GRID2: variants seen among roughly 807,000 people sequenced by gnomAD.
GRID2 encodes glutamate ionotropic receptor delta type subunit 2, also known as glutamate receptor ionotropic, delta-2.
Under a neutral mutation model 114.8 loss-of-function variants are expected in GRID2, and 33 were observed. That is an observed-to-expected ratio of 0.29 (90% CI 0.22 to 0.38). The LOEUF (loss-of-function observed/expected upper bound fraction) is 0.38. Ranked by LOEUF, GRID2 falls within the 10% of genes least tolerant of loss-of-function variation. The pLI, the probability that GRID2 is intolerant of heterozygous loss-of-function variation, is 1.00. For synonymous variants in GRID2, 505 were observed against 449.9 expected (o/e 1.12, Z -1.55); for missense variants, 1,184 against 1,257.7 (o/e 0.94, Z 0.89).
chr4:93,332,511 T>A (rs1758607705), intron 8 of GRID2, among the ~76,000 whole-genome samples: 1 of 152,102 alleles, frequency 6.6e-6, no homozygotes, highest in Admixed American at 6.6e-5. Context: ...ATATACCACA[T>A]GTTTTGCTAG....
At chr4:92,486,172 A>T (rs1463856413) in intron 1 of GRID2, among the ~76,000 whole-genome samples, 3 of 151,280 alleles carry the variant, frequency 2.0e-5, no homozygotes, top group African/African-American at 7.2e-5. Flanking sequence ...AAATAAAAAA[A>T]TATAAAATTA....
At chr4:92,930,891 G>T (rs1329467450) in intron 2 of GRID2, among the ~76,000 whole-genome samples, 1 of 150,740 alleles carries the variant, frequency 6.6e-6, no homozygotes, top group African/African-American at 2.4e-5. Flanking sequence ...ATTCCACAAA[G>T]AAAACTCCAG....
At chr4:92,758,175 C>T (rs892587165) in intron 2 of GRID2, among the ~76,000 whole-genome samples, 4 of 151,956 alleles carry the variant, frequency 2.6e-5, no homozygotes, top group Non-Finnish European at 2.9e-5. Context: ...TGCTTGTTTG[C>T]CTTTTTTTCT....
intron 8 of GRID2, among the ~76,000 whole-genome samples, chr4:93,328,751 A>G (rs556015858): frequency 1.3e-5 from 2 of 152,106 alleles, no homozygotes; most frequent in East Asian, 3.9e-4. Context: ...GGATGGATAG[A>G]CAAATGATAC....
intron 2 of GRID2, among the ~76,000 whole-genome samples, chr4:93,004,018 G>A (rs1167826555): frequency 1.3e-5 from 2 of 151,840 alleles, no homozygotes; most frequent in Non-Finnish European, 2.9e-5. Flanking sequence ...TGATATCTTT[G>A]CTAAGGAAAC....
chr4:92,376,707 G>A (rs1729372586), intron 1 of GRID2, among the ~76,000 whole-genome samples: 1 of 152,106 alleles, frequency 6.6e-6, no homozygotes, highest in Non-Finnish European at 1.5e-5. Context: ...TACATCCTCT[G>A]AAATCTAGGC....
In GRID2 at chr4:92,942,835, G is replaced by A. The variant is rs915512299; in HGVS notation, c.245-142160G>A. Among the ~76,000 whole-genome samples, 124 of 152,238 alleles carry A rather than the reference G, an allele frequency of 8.1e-4. 1 individual carries two copies. The highest frequency in any genetic ancestry group is 2.8e-3 in the African/African-American group (117 of 41,538). On this transcript the variant is annotated intron_variant, in intron 2 of 15. Coordinates refer to ENST00000282020, the MANE Select transcript of GRID2 (RefSeq NM_001510.4). ...ATTTCTCCTTCGCTTATGAAGCTTAGTTTGGCTGGATATGAAATTCTGGGT... is the reference window on the plus strand; with the variant it reads ...ATTTCTCCTTCGCTTATGAAGCTTAATTTGGCTGGATATGAAATTCTGGGT...
Position 92,419,251 on chromosome 4 carries a change from T to C in GRID2, c.88+114507T>C, listed in dbSNP as rs559737612. Among the ~76,000 whole-genome samples the C allele has an allele frequency of 2.8e-4, 42 of 152,286 alleles. No homozygotes were observed. The South Asian group carries it at 8.7e-3, about 32-fold the overall frequency. The stretch of plus-strand genomic sequence containing the variant: ...TCTTTCTCCTGTGACTGTCTCTTAA[T>C]TGGCTTTTAACTTATGAGGGAAAGG... On this transcript the variant is annotated intron_variant, in intron 1 of 15. Transcript: ENST00000282020.
intron 13 of GRID2, among the ~76,000 whole-genome samples, chr4:93,553,388 C>A (rs933982986): frequency 3.9e-5 from 6 of 152,122 alleles, no homozygotes; most frequent in South Asian, 2.1e-4. Flanking sequence ...TTTATGGGAA[C>A]TCTTGCTAAC....
chr4:93,351,512 C>T (rs1410392314), intron 8 of GRID2, among the ~76,000 whole-genome samples: 1 of 151,964 alleles, frequency 6.6e-6, no homozygotes, highest in Non-Finnish European at 1.5e-5. Flanking sequence ...ATACAACTAT[C>T]AAGCAGACCA....
rs369462785 is a variant in GRID2 at position 93,199,622 on chromosome 4, C to CAA, written c.736-7777_736-7776dup. Among the ~76,000 whole-genome samples, 896 of 152,144 alleles carry CAA rather than the reference C, an allele frequency of 5.9e-3. 7 individuals carry two copies. The highest frequency in any genetic ancestry group is 0.02 in the African/African-American group (846 of 41,526). ...GAAGATCAGAGCAGAGATTCTAAAG[C>CAA]AAAAAAGCAGAGTGGAATGGCAGAT... is the stretch of plus-strand genomic sequence containing the variant. On this transcript the variant is annotated intron_variant, in intron 4 of 15. Transcript: ENST00000282020.
intron 14 of GRID2, among the ~76,000 whole-genome samples, chr4:93,695,699 G>T (rs1201903963): frequency 6.6e-6 from 1 of 152,184 alleles, no homozygotes; most frequent in Non-Finnish European, 1.5e-5. Flanking sequence ...TAGAGAAAGG[G>T]ATCAAACTAG....
intron 1 of GRID2, among the ~76,000 whole-genome samples, chr4:93,794,455 T>C (rs1734755677): frequency 6.6e-6 from 1 of 152,152 alleles, no homozygotes; most frequent in Non-Finnish European, 1.5e-5. Context: ...CCAGAACGAC[T>C]TAGGGAAAGG....
At chr4:93,226,585 C>G (rs1234214342) in intron 7 of GRID2, among the ~76,000 whole-genome samples, 2 of 152,194 alleles carry the variant, frequency 1.3e-5, no homozygotes, top group East Asian at 3.9e-4. Flanking sequence ...CTGGACCCAG[C>G]TTCTGCAGCT....
At chr4:93,568,930 A>G (rs1188096906) in intron 13 of GRID2, among the ~76,000 whole-genome samples, 1 of 151,954 alleles carries the variant, frequency 6.6e-6, no homozygotes, top group Non-Finnish European at 1.5e-5. Flanking sequence ...TTCTGCGCCC[A>G]CCTCAACCCT....
intron 2 of GRID2, among the ~76,000 whole-genome samples, chr4:92,787,806 G>T (rs1328935818): frequency 6.6e-6 from 1 of 151,824 alleles, no homozygotes; most frequent in African/African-American, 2.4e-5. Flanking sequence ...ATAAGAGATG[G>T]TGCTGCCTCC....
At chr4:92,456,118 C>T (rs1721199952) in intron 1 of GRID2, among the ~76,000 whole-genome samples, 1 of 151,476 alleles carries the variant, frequency 6.6e-6, no homozygotes, top group African/African-American at 2.4e-5. Context: ...AAAGGTATTT[C>T]TCAATGGAAG....
chr4:93,751,877 C>A (rs1732348797), intron 14 of GRID2, among the ~76,000 whole-genome samples: 1 of 152,138 alleles, frequency 6.6e-6, no homozygotes, highest in Non-Finnish European at 1.5e-5. Context: ...TTTTCCTAGG[C>A]TTTCCACAAC....
chr4:93,135,227 A>T (rs1158716478), intron 4 of GRID2, among the ~76,000 whole-genome samples: 4 of 152,188 alleles, frequency 2.6e-5, no homozygotes, highest in Non-Finnish European at 4.4e-5. Context: ...CCTGAACAAT[A>T]GGAGGCTTTG....
Sources: allele counts gnomAD v4.1 joint callset (sites outside exome capture counted in the v4.1 genomes callset), GRCh38; gene constraint gnomAD v4.1.1; transcripts MANE v1.5; gene names NCBI Gene and HGNC (gene_info 2026-07-23, HGNC 2026-07-21).